CCNE2: variants seen among roughly 807,000 people sequenced by gnomAD.
CCNE2 encodes the protein cyclin E2, also known as G1/S-specific cyclin-E2.
In CCNE2, 18 loss-of-function variants were observed where a neutral mutation model predicts 56.8. The observed-to-expected ratio is 0.32, with a 90% CI of 0.22 to 0.47. The LOEUF (loss-of-function observed/expected upper bound fraction) is 0.47. Among genes scored for constraint, CCNE2 ranks in the 20% least tolerant of loss-of-function variants. The pLI is 1.00. For synonymous variants in CCNE2, 139 were observed against 149.2 expected (o/e 0.93, Z 0.50); for missense variants, 371 against 467.1 (o/e 0.79, Z 1.90).
In CCNE2 at chr8:94,884,614, T is replaced by G. The variant is rs28739583; in HGVS notation, c.831+453A>C. ...CAGATCCTCCTCCTCCTCTACTTAC[T>G]TACTTTGTTAAATATGCTAGCCTGG... On this transcript the variant is annotated intron_variant, in intron 9 of 11. Transcript: ENST00000308108. The G allele has an allele frequency of 1.6e-3, 242 of 155,436 alleles. 1 individual carries two copies. The highest frequency in any genetic ancestry group is 2.9e-3 in the Non-Finnish European group (200 of 70,104). 9.6% of individuals were successfully genotyped at this position (155,436 alleles called of 1,614,324 possible). A position where few individuals can be genotyped will look rare whatever the true frequency, so the allele number is the denominator to read the frequency against.
At chr8:94,885,682 C>A in intron 7 of CCNE2, 124 bp from the exon 8 acceptor site, 57 of 378,898 alleles carry the variant, frequency 1.5e-4, no homozygotes, top group East Asian at 2.4e-4. Context: ...AGTGCATTTT[C>A]ATTTTCTTGG....
At chr8:94,893,749 G>A in intron 4 of CCNE2, 142 bp downstream of exon 4, 1 of 807,678 alleles carries the variant, frequency 1.2e-6, no homozygotes, top group Non-Finnish European at 2.0e-6. Flanking sequence ...CCCAAAGATA[G>A]GCGCCTTCCT....
upstream of CCNE2, chr8:94,895,307 T>TCCGC (rs1478445243): frequency 8.3e-6 from 8 of 962,604 alleles, no homozygotes; most frequent in African/African-American, 1.4e-4. Context: ...CTCCCGCCCG[T>TCCGC]CCGCCCGCGT....
In CCNE2 at chr8:94,882,771, A is replaced by G. The variant is rs1437986198; in HGVS notation, c.943+10T>C. On this transcript the variant is annotated intron_variant, in intron 10 of 11. Transcript: ENST00000308108. ...GAAAAGGTAAGAAGACAACAAATAG[A>G]GAGTCTTACCTGAGGCTTTCTTAAC... 6.4e-7 allele frequency: 1 copy of G among 1,559,688 alleles called. No individual in the cohort carries two copies. The highest frequency in any genetic ancestry group is 1.7e-5 in the Admixed American group (1 of 59,832).
chr8:94,880,395 GA>G lies in CCNE2; in HGVS notation c.*1236del. The G allele has an allele frequency of 2.1e-6, 1 of 475,206 alleles. No individual in the cohort carries two copies. Among genetic ancestry groups the G allele is most frequent in the South Asian group, 3.7e-5 (1 of 26,938 alleles). The allele number at this position is 475,206 out of a possible 1,614,324, so 29.4% of individuals were successfully genotyped here. ...TAGTTTAAAAACAAACTATACAGAA[GA>G]CTTCATACCGTAACAATAAATGTAT... On this transcript the variant is annotated 3_prime_UTR_variant, in exon 12 of 12. Transcript: ENST00000308108.
upstream of CCNE2, chr8:94,895,378 A>C: frequency 2.2e-6 from 1 of 445,102 alleles, no homozygotes; most frequent in Non-Finnish European, 3.0e-6. Context: ...CGTGGGGTCC[A>C]CTCTACCGGG....
chr8:94,892,717 C>T (rs1400005967), intron 5 of CCNE2, 101 bp downstream of exon 5: 3 of 606,192 alleles, frequency 4.9e-6, no homozygotes, highest in East Asian at 3.3e-5. Flanking sequence ...ACAATTTTTA[C>T]ACGTTTTTCT....
intron 4 of CCNE2, among the ~76,000 whole-genome samples, 160 bp from the exon 5 acceptor site, chr8:94,893,129 C>T (rs1817305936): frequency 6.6e-6 from 1 of 152,042 alleles, no homozygotes; most frequent in South Asian, 2.1e-4. Flanking sequence ...TATAAACAAG[C>T]CATATAGCTC....
Position 94,891,713 on chromosome 8 carries a change from A to G in CCNE2, c.317+1105T>C. The G allele has an allele frequency of 5.3e-6, 4 of 761,248 alleles. No individual in the cohort carries two copies. The South Asian group carries it at 5.8e-5, about 11-fold the overall frequency. 47.2% of individuals were successfully genotyped at this position (761,248 alleles called of 1,614,324 possible). On this transcript the variant is annotated intron_variant, in intron 5 of 11. Transcript: ENST00000308108. Reference sequence around the variant, plus strand: ...AAGTATTTTTAAAATGTCACTTTACAGAAACAGCATGTGCCATTCTGACAT... The same window carrying G: ...AAGTATTTTTAAAATGTCACTTTACGGAAACAGCATGTGCCATTCTGACAT...
At chr8:94,894,963 C>A (rs548648701) in intron 1 of CCNE2, among the ~76,000 whole-genome samples, 2 of 152,200 alleles carry the variant, frequency 1.3e-5, no homozygotes, top group South Asian at 2.1e-4. Context: ...GATAGAGAAG[C>A]CCCTAGAATG....
Position 94,881,692 on chromosome 8 carries a change from C to T in CCNE2, c.1155G>A (p.Val385=), listed in dbSNP as rs1163196023. 6.2e-7 allele frequency: 1 copy of T among 1,613,916 alleles called. No individual in the cohort carries two copies. The highest frequency in any genetic ancestry group is 1.7e-5 in the Admixed American group (1 of 60,014). The change falls in exon 12 of 12, where the codon GTG becomes GTA. Residue 385 remains valine (V), a synonymous_variant. Transcript: ENST00000308108. ...TFRKGGQLSP[V]CNGGIMTPPK... ...GTGGTGTCATAATGCCTCCATTGCA[C>T]ACTGGTGACAACTGTCCCCCTTTTC...
intron 9 of CCNE2, chr8:94,884,026 C>A: frequency 5.6e-6 from 2 of 355,438 alleles, no homozygotes; most frequent in South Asian, 4.2e-5. Flanking sequence ...GTATAGCTGC[C>A]TAGGACAATT....
intron 6 of CCNE2, among the ~76,000 whole-genome samples, chr8:94,889,261 G>A (rs756304904): frequency 6.6e-6 from 1 of 151,966 alleles, no homozygotes; most frequent in Non-Finnish European, 1.5e-5. Context: ...TTCAAATGTT[G>A]AATCAAGTTT....
In CCNE2 at chr8:94,895,197, G is replaced by A. The variant is rs1475266214; in HGVS notation, c.-47C>T. ...CTCACCGCCAGACCAGCTACCGCTCGGCTCAGCTGGCGCCGGCGCCAACCC... is the reference window on the plus strand; with the variant it reads ...CTCACCGCCAGACCAGCTACCGCTCAGCTCAGCTGGCGCCGGCGCCAACCC... On this transcript the variant is annotated 5_prime_UTR_variant, in exon 1 of 12. Transcript: ENST00000308108. The A allele has an allele frequency of 1.4e-5, 14 of 985,742 alleles. No homozygotes were observed. The highest frequency in any genetic ancestry group is 1.7e-5 in the African/African-American group (1 of 57,244). 61.1% of individuals were successfully genotyped at this position (985,742 alleles called of 1,614,324 possible).
At chr8:94,895,255 G>T, upstream of CCNE2, 1 of 985,614 alleles carries the variant, frequency 1.0e-6, no homozygotes, top group South Asian at 4.7e-5. Context: ...CGCCCCGCAC[G>T]CATGCGCCTC....
intron 9 of CCNE2, chr8:94,884,855 G>A: frequency 2.3e-6 from 1 of 431,136 alleles, no homozygotes; most frequent in Non-Finnish European, 4.1e-6. Context: ...CCTAAAGAAT[G>A]AAAGTACTCA....
chr8:94,885,212 A>G lies in CCNE2; in HGVS notation c.697-11T>C. 1 of 1,612,170 alleles carries G rather than the reference A, an allele frequency of 6.2e-7. No individual in the cohort carries two copies. The highest frequency in any genetic ancestry group is 8.5e-7 in the Non-Finnish European group (1 of 1,178,686). ...TTCCCATTTTAAAGCCTATTAAACAAAATTTAAAAATGCCTGTTAATGAAT... is the reference window on the plus strand; with the variant it reads ...TTCCCATTTTAAAGCCTATTAAACAGAATTTAAAAATGCCTGTTAATGAAT... On this transcript the variant is annotated splice_polypyrimidine_tract_variant and intron_variant, in intron 8 of 11. Coordinates refer to ENST00000308108, the MANE Select transcript of CCNE2 (RefSeq NM_057749.3).
intron 6 of CCNE2, among the ~76,000 whole-genome samples, chr8:94,889,759 G>A (rs1461700430): frequency 6.6e-6 from 1 of 152,250 alleles, no homozygotes; most frequent in Middle Eastern, 3.4e-3. Flanking sequence ...ATCAACATAA[G>A]TAATGATTTC....
Position 94,885,140 on chromosome 8 carries a change from A to G in CCNE2, c.758T>C (p.Val253Ala), listed in dbSNP as rs774223734. Residue 253 changes from valine (V) to alanine (A), a missense_variant, in exon 9 of 12, where the codon GTT becomes GCT. By Grantham distance (64) the Val-to-Ala change is moderately conservative. Transcript: ENST00000308108. ...TTTAGGAGCATCTTTAAGAGCATCA[A>G]CTTGGAGAAAGAGATTTAGCCAGGA... ...IISWLNLFLQVDALKDAPKVL... is the reference protein window; with the variant it reads ...IISWLNLFLQADALKDAPKVL... 2.5e-6 allele frequency: 4 copies of G among 1,613,364 alleles called. No homozygotes were observed. The highest frequency in any genetic ancestry group is 2.2e-5 in the South Asian group (2 of 91,076).
Sources: allele counts gnomAD v4.1 joint callset (sites outside exome capture counted in the v4.1 genomes callset), GRCh38; gene constraint gnomAD v4.1.1; transcripts MANE v1.5; gene names NCBI Gene and HGNC (gene_info 2026-07-23, HGNC 2026-07-21).